The following STK32B variants were observed in gnomAD, a reference collection of about 807,000 sequenced individuals.
STK32B encodes the protein serine/threonine kinase 32B.
In STK32B, 43 loss-of-function variants were observed where a neutral mutation model predicts 52.6. That is an observed-to-expected ratio of 0.82 (90% CI 0.64 to 1.05). The LOEUF is 1.05. Among genes scored for constraint, STK32B ranks in the 50% least tolerant of loss-of-function variants. The pLI, the probability that STK32B is intolerant of heterozygous loss-of-function variation, is 0.00. For missense variants in STK32B, 621 were observed against 534.6 expected, an observed-to-expected ratio of 1.16 and a Z score of -1.59; for synonymous variants, 238 against 204.3, an observed-to-expected ratio of 1.17 and a Z score of -1.41.
At chr4:5,458,031 A>G (rs1716715734) in intron 8 of STK32B, among the ~76,000 whole-genome samples, 1 of 152,054 alleles carries the variant, frequency 6.6e-6, no homozygotes, top group African/African-American at 2.4e-5. Context: ...TATTAGACTA[A>G]AGCAGTGGTT....
chr4:5,305,883 A>G (rs995186879), intron 3 of STK32B, among the ~76,000 whole-genome samples: 9 of 151,994 alleles, frequency 5.9e-5, no homozygotes, highest in African/African-American at 1.9e-4. Context: ...CTGTATCTCA[A>G]AGGTTTTGAT....
At chr4:5,317,218 T>TATATATTATATATATAAC (rs1731063566) in intron 3 of STK32B, among the ~76,000 whole-genome samples, 1 of 44,348 alleles carries the variant, frequency 2.3e-5, no homozygotes, top group South Asian at 8.8e-4. Flanking sequence ...ATATAACATA[T>TATATATTATATATATAAC]ATATATTATA....
At chr4:5,068,993 A>G (rs1416119507) in intron 1 of STK32B, among the ~76,000 whole-genome samples, 1 of 152,170 alleles carries the variant, frequency 6.6e-6, no homozygotes, top group East Asian at 1.9e-4. Flanking sequence ...ACGGTCACCA[A>G]TGATATTGTT....
chr4:5,413,265 G>A (rs1711861791), intron 5 of STK32B, among the ~76,000 whole-genome samples: 1 of 152,190 alleles, frequency 6.6e-6, no homozygotes, highest in Non-Finnish European at 1.5e-5. Flanking sequence ...GTCTGCATCA[G>A]TTGGGATACT....
intron 1 of STK32B, among the ~76,000 whole-genome samples, chr4:5,099,794 A>T (rs570227349): frequency 6.6e-6 from 1 of 152,202 alleles, no homozygotes; most frequent in East Asian, 1.9e-4. Flanking sequence ...AGGCACAGGA[A>T]TGAGAGTTGC....
At chr4:5,172,193 T>A (rs1261645799) in intron 3 of STK32B, among the ~76,000 whole-genome samples, 3 of 152,190 alleles carry the variant, frequency 2.0e-5, no homozygotes, top group Admixed American at 6.5e-5. Flanking sequence ...GCTTATTAGG[T>A]TAAGGAGATT....
intron 11 of STK32B, among the ~76,000 whole-genome samples, chr4:5,473,632 A>G (rs971712200): frequency 2.0e-5 from 3 of 152,100 alleles, no homozygotes; most frequent in Non-Finnish European, 4.4e-5. Flanking sequence ...TGGGCAAGGA[A>G]TTGTCACTCT....
At chr4:5,061,585 T>C (rs1306369141) in intron 1 of STK32B, among the ~76,000 whole-genome samples, 1 of 152,232 alleles carries the variant, frequency 6.6e-6, no homozygotes, top group Non-Finnish European at 1.5e-5. Context: ...TTGAATGATA[T>C]TATATTTCCT....
intron 8 of STK32B, chr4:5,458,553 G>A (rs1331764159): frequency 6.6e-6 from 1 of 151,984 alleles, no homozygotes; most frequent in Non-Finnish European, 1.5e-5. Flanking sequence ...CCTAACTTCA[G>A]GTCCCAGCTT....
chr4:5,064,292 C>T (rs1742325982), intron 1 of STK32B, among the ~76,000 whole-genome samples: 1 of 143,578 alleles, frequency 7.0e-6, no homozygotes, highest in African/African-American at 2.5e-5. Flanking sequence ...TTATATATTA[C>T]ATGTAAAGAT....
At chr4:5,170,178 G>C (rs1486210278) in intron 3 of STK32B, among the ~76,000 whole-genome samples, 1 of 152,152 alleles carries the variant, frequency 6.6e-6, no homozygotes, top group East Asian at 1.9e-4. Flanking sequence ...CTCTGAACCT[G>C]AAGTTTTTCA....
chr4:5,292,001 T>C (rs1484782622), intron 3 of STK32B, among the ~76,000 whole-genome samples: 1 of 152,182 alleles, frequency 6.6e-6, no homozygotes, highest in Non-Finnish European at 1.5e-5. Flanking sequence ...CCACGTTTTC[T>C]TTATTCAGTC....
At chr4:5,235,772 A>G (rs1005107519) in intron 3 of STK32B, among the ~76,000 whole-genome samples, 2 of 152,200 alleles carry the variant, frequency 1.3e-5, no homozygotes, top group African/African-American at 4.8e-5. Flanking sequence ...ATGCTTAGCA[A>G]GGCTAATAAC....
At chr4:5,413,282 A>G (rs538048248) in intron 5 of STK32B, among the ~76,000 whole-genome samples, 2 of 152,338 alleles carry the variant, frequency 1.3e-5, no homozygotes, top group African/African-American at 4.8e-5. Flanking sequence ...TACTAGCAGT[A>G]GCAAGGAACA....
intron 5 of STK32B, among the ~76,000 whole-genome samples, chr4:5,402,348 A>G (rs192439607): frequency 1.1e-4 from 16 of 152,346 alleles, no homozygotes; most frequent in African/African-American, 1.9e-4. Flanking sequence ...TGCTTTCCAC[A>G]TGGGAGGTGG....
chr4:5,300,471 A>G (rs923754172), intron 3 of STK32B, among the ~76,000 whole-genome samples: 1 of 152,200 alleles, frequency 6.6e-6, no homozygotes, highest in Non-Finnish European at 1.5e-5. Context: ...GCATCCAAAT[A>G]GAAAAAGAGG....
chr4:5,288,933 G>T (rs933546479), intron 3 of STK32B, among the ~76,000 whole-genome samples: 2 of 152,112 alleles, frequency 1.3e-5, no homozygotes, highest in African/African-American at 2.4e-5. Flanking sequence ...TTGTATGGTG[G>T]CAGGTAAGAA....
chr4:5,424,787 A>C (rs928552629), intron 6 of STK32B, among the ~76,000 whole-genome samples: 1 of 83,106 alleles, frequency 1.2e-5, no homozygotes, highest in Non-Finnish European at 2.9e-5. Context: ...CAGGGCTGAA[A>C]TATGCCCCCT....
intron 2 of STK32B, among the ~76,000 whole-genome samples, chr4:5,147,386 G>A (rs1243414151): frequency 6.6e-6 from 1 of 152,084 alleles, no homozygotes. Context: ...GCTAATAAAA[G>A]TAGTTTTACC....
Sources: allele counts gnomAD v4.1 joint callset (sites outside exome capture counted in the v4.1 genomes callset), GRCh38; gene constraint gnomAD v4.1.1; transcripts MANE v1.5; gene names NCBI Gene and HGNC (gene_info 2026-07-23, HGNC 2026-07-21).